RGS6: variants seen among roughly 807,000 people sequenced by gnomAD.
RGS6 encodes the protein regulator of G-protein signaling 6.
RGS6 carries 30 observed loss-of-function variants against 78.5 expected under a neutral mutation model. The ratio of observed to expected loss-of-function variants is 0.38; its 90% CI spans 0.29 to 0.52. The LOEUF is 0.52. RGS6 is among the 20% of genes least tolerant of loss of function. The pLI, the probability that RGS6 is intolerant of heterozygous loss-of-function variation, is 0.85. For synonymous variants in RGS6, 206 were observed against 206.0 expected (o/e 1.00, Z 0.00); for missense variants, 495 against 609.7 (o/e 0.81, Z 1.98).
chr14:72,285,426 C>T (rs773097182), intron 2 of RGS6, among the ~76,000 whole-genome samples: 8 of 152,124 alleles, frequency 5.3e-5, no homozygotes, highest in Non-Finnish European at 8.8e-5. Flanking sequence ...TTTTCTCTTT[C>T]ACTTGGTTCT....
At chr14:72,228,444 G>A (rs35077108) in intron 2 of RGS6, among the ~76,000 whole-genome samples, 17,508 of 152,032 alleles carry the variant, frequency 0.12, 1,263 homozygotes, top group East Asian at 0.33. Flanking sequence ...TAACAAATAC[G>A]TTCATCATCT....
intron 2 of RGS6, among the ~76,000 whole-genome samples, chr14:71,966,448 T>C (rs1399249839): frequency 6.6e-6 from 1 of 152,226 alleles, no homozygotes; most frequent in East Asian, 1.9e-4. Context: ...TAGTGAAACA[T>C]ACAGAATAAT....
chr14:72,576,340 T>G, the RGS6 span, among the ~76,000 whole-genome samples: 8 of 152,182 alleles, frequency 5.3e-5, no homozygotes, highest in Non-Finnish European at 1.2e-4. Context: ...TCCCAAAAAG[T>G]ACATACAGAG....
intron 2 of RGS6, among the ~76,000 whole-genome samples, chr14:72,256,488 G>C (rs1399498262): frequency 2.6e-5 from 4 of 152,162 alleles, no homozygotes; most frequent in South Asian, 2.1e-4. Context: ...AGAAATTATA[G>C]AAAAGCAAGC....
chr14:72,029,870 T>A (rs568232554), intron 2 of RGS6, among the ~76,000 whole-genome samples: 1 of 152,340 alleles, frequency 6.6e-6, no homozygotes, highest in South Asian at 2.1e-4. Flanking sequence ...ATACTGACTG[T>A]CATATTTAAT....
At chr14:72,618,888 G>A in the RGS6 span, among the ~76,000 whole-genome samples, 3 of 152,302 alleles carry the variant, frequency 2.0e-5, no homozygotes, top group African/African-American at 7.2e-5. Flanking sequence ...GGGGCACGGG[G>A]GCTGTGCCAA....
chr14:72,111,938 T>A (rs1436735713), intron 2 of RGS6, among the ~76,000 whole-genome samples: 1 of 152,208 alleles, frequency 6.6e-6, no homozygotes, highest in Non-Finnish European at 1.5e-5. Context: ...AGGAGCCGGA[T>A]AGGTTGCTCT....
chr14:72,468,559 C>G (rs2153277301), intron 7 of RGS6, among the ~76,000 whole-genome samples: 1 of 152,210 alleles, frequency 6.6e-6, no homozygotes, highest in South Asian at 2.1e-4. Context: ...AGAATATAAC[C>G]TGTGACTCCC....
chr14:71,902,082 C>G, the RGS6 span, among the ~76,000 whole-genome samples: 1 of 119,846 alleles, frequency 8.3e-6, no homozygotes, highest in Non-Finnish European at 1.9e-5. Context: ...GGAGAAAAAA[C>G]CTGGAGAAAG....
the RGS6 span, among the ~76,000 whole-genome samples, chr14:71,878,536 C>T: frequency 9.0e-3 from 1,364 of 152,302 alleles, 10 homozygotes; most frequent in African/African-American, 0.015. Context: ...GTTGGAAAAG[C>T]GCAGTATTAG....
At chr14:71,872,858 T>A in the RGS6 span, among the ~76,000 whole-genome samples, 3 of 152,344 alleles carry the variant, frequency 2.0e-5, no homozygotes, top group South Asian at 6.2e-4. Flanking sequence ...GTTCTCACTG[T>A]TCAATTCCCA....
chr14:72,360,322 C>G (rs564832785), intron 3 of RGS6, among the ~76,000 whole-genome samples: 1 of 151,968 alleles, frequency 6.6e-6, no homozygotes, highest in Non-Finnish European at 1.5e-5. Context: ...GAAATCAAGA[C>G]CATCCTGGCT....
At chr14:72,236,261 A>T (rs777984163) in intron 2 of RGS6, among the ~76,000 whole-genome samples, 2 of 152,192 alleles carry the variant, frequency 1.3e-5, no homozygotes, top group Non-Finnish European at 2.9e-5. Flanking sequence ...TGTTTGCTTC[A>T]TCACTGGCTA....
intron 2 of RGS6, among the ~76,000 whole-genome samples, chr14:72,090,373 G>A (rs1189614334): frequency 5.3e-5 from 8 of 152,118 alleles, no homozygotes; most frequent in Admixed American, 3.9e-4. Context: ...CCTGAGCTCC[G>A]TCCACCTCCT....
the RGS6 span, among the ~76,000 whole-genome samples, chr14:71,872,378 A>C: frequency 6.6e-6 from 1 of 152,118 alleles, no homozygotes; most frequent in South Asian, 2.1e-4. Context: ...TCAGGATGGA[A>C]AGGGGGAGTG....
chr14:72,099,798 CATT>C (rs1265840983), intron 2 of RGS6, among the ~76,000 whole-genome samples: 2 of 152,130 alleles, frequency 1.3e-5, no homozygotes, highest in African/African-American at 4.8e-5. Context: ...TAGTGATAGT[CATT>C]AGTAGTTAGT....
rs35821588 is a variant in RGS6 at position 72,034,404 on chromosome 14, CTT to C, written c.84+69540_84+69541del. On this transcript the variant is annotated intron_variant, in intron 2 of 17. Coordinates refer to ENST00000553525, the MANE Select transcript of RGS6 (RefSeq NM_001204424.2). ...AAAGGGTATTGAATTCTTTTCAGTG[CTT>C]TTTTTTTTTTGGCACCAATTCAGTC... Among the ~76,000 whole-genome samples the C allele has an allele frequency of 6.0e-3, 864 of 144,422 alleles. 12 individuals are homozygous for C. Among genetic ancestry groups the C allele is most frequent in the Middle Eastern group, 0.021 (6 of 280 alleles). The allele number at this position is 144,422 out of a possible 152,430, so 94.7% of individuals were successfully genotyped here. A position where few individuals can be genotyped will look rare whatever the true frequency, so the allele number is the denominator to read the frequency against.
At chr14:72,339,700 C>A (rs113242291) in intron 2 of RGS6, among the ~76,000 whole-genome samples, 11 of 152,134 alleles carry the variant, frequency 7.2e-5, no homozygotes, top group African/African-American at 2.7e-4. Context: ...AGAGCAGGAA[C>A]AGCACTCTGA....
intron 2 of RGS6, among the ~76,000 whole-genome samples, chr14:72,337,968 A>T (rs2076342334): frequency 6.6e-6 from 1 of 152,208 alleles, no homozygotes; most frequent in Admixed American, 6.5e-5. Flanking sequence ...GATGAAAAAT[A>T]AGTTTCTCTT....
Sources: allele counts gnomAD v4.1 joint callset (sites outside exome capture counted in the v4.1 genomes callset), GRCh38; gene constraint gnomAD v4.1.1; transcripts MANE v1.5; gene names NCBI Gene and HGNC (gene_info 2026-07-23, HGNC 2026-07-21).